RAD51D: variants seen among roughly 807,000 people sequenced by gnomAD.
RAD51D encodes RAD51 paralog D.
RAD51D carries 38 observed loss-of-function variants against 44.1 expected under a neutral mutation model. The observed-to-expected ratio is 0.86, with a 90% CI of 0.67 to 1.13. RAD51D has a LOEUF of 1.13. Ranked by LOEUF, RAD51D falls within the 50% of genes most tolerant of loss-of-function variation. The pLI is 0.00. For missense variants in RAD51D, 390 were observed against 414.0 expected (o/e 0.94, Z 0.50); for synonymous variants, 141 against 166.6 (o/e 0.85, Z 1.18).
At position 35,106,977 on chromosome 17, in the gene RAD51D, C is replaced by A. The variant is rs2142431919; in HGVS notation, c.480+11G>T. 6.2e-7 allele frequency: 1 copy of A among 1,614,190 alleles called. No homozygotes were observed. Among genetic ancestry groups the A allele is most frequent in the Non-Finnish European group, 8.5e-7 (1 of 1,180,040 alleles). ...TCAGAATCTCAATGGAACCCAGCAT[C>A]CTGCCCTTACCTGTTCCTCCTCATC... is the stretch of plus-strand genomic sequence containing the variant. On this transcript the variant is annotated intron_variant, in intron 5 of 9. Transcript: ENST00000345365.
In RAD51D at chr17:35,100,518, CAG is replaced by C. The variant is rs757426326; in HGVS notation, c.*433_*434del. ...GGCCCCCATCTAACAAATGGAAAGG[CAG>C]AGACAAAAGAAAAAAAAGGCAGCAG... On this transcript the variant is annotated 3_prime_UTR_variant, in exon 10 of 10. Coordinates refer to ENST00000345365, the MANE Select transcript of RAD51D (RefSeq NM_002878.4). The C allele has an allele frequency of 3.9e-4, 212 of 537,530 alleles. No individual in the cohort carries two copies. The highest frequency in any genetic ancestry group is 7.5e-5 in the Non-Finnish European group (21 of 278,920). 33.3% of individuals were successfully genotyped at this position (537,530 alleles called of 1,614,324 possible).
At chr17:35,110,772 G>C (rs1002484160) in intron 3 of RAD51D, among the ~76,000 whole-genome samples, 1 of 152,034 alleles carries the variant, frequency 6.6e-6, no homozygotes, top group African/African-American at 2.4e-5. Flanking sequence ...AGGAGTTTGA[G>C]GCCAGCCTGG....
At chr17:35,110,992 C>A (rs2091667991) in intron 3 of RAD51D, among the ~76,000 whole-genome samples, 1 of 151,978 alleles carries the variant, frequency 6.6e-6, no homozygotes, top group Non-Finnish European at 1.5e-5. Context: ...GTAATCCCAG[C>A]TACCCGTGAG....
In RAD51D at chr17:35,100,305, G is replaced by T. The variant is rs1366770791; in HGVS notation, c.*648C>A. 1.9e-6 allele frequency: 1 copy of T among 534,166 alleles called. No homozygotes were observed. Among genetic ancestry groups the T allele is most frequent in the East Asian group, 3.9e-5 (1 of 25,716 alleles). The allele number at this position is 534,166 out of a possible 1,614,324, so 33.1% of individuals were successfully genotyped here. On this transcript the variant is annotated 3_prime_UTR_variant, in exon 10 of 10. Transcript: ENST00000345365. ...AACCAAATCAGCAAGAGGAAAGGAG[G>T]AATAAACTGTTCTTTGGGCCTCACT...
intron 3 of RAD51D, chr17:35,116,922 C>G (rs1430353812): frequency 6.2e-7 from 1 of 1,610,718 alleles, no homozygotes; most frequent in Non-Finnish European, 8.5e-7. Context: ...ATCTGTTCCT[C>G]CATGCCCAAG....
intron 6 of RAD51D, chr17:35,104,940 A>C (rs1443543560): frequency 6.7e-6 from 1 of 150,086 alleles, no homozygotes; most frequent in Non-Finnish European, 1.5e-5. Context: ...AAGCATTGGG[A>C]TTTTAGGCGT....
At position 35,119,594 on chromosome 17, in the gene RAD51D, C is replaced by T. The variant is rs1555570504; in HGVS notation, c.20G>A (p.Gly7Glu). Residue 7 changes from glycine to glutamate, a missense_variant, in exon 1 of 10, where the codon GGA becomes GAA. Gly to Glu is a moderately conservative substitution (Grantham distance 98, BLOSUM62 -2). Coordinates refer to ENST00000345365, the MANE Select transcript of RAD51D (RefSeq NM_002878.4). MGVLRV[G>E]LCPGLTEEMI... is the part of the protein sequence containing the mutation. Reference sequence around the variant, plus strand: ...CTCCTCGGTAAGGCCAGGGCACAGTCCGACCCTGAGCACGCCCATGTTCCC... The same window carrying T: ...CTCCTCGGTAAGGCCAGGGCACAGTTCGACCCTGAGCACGCCCATGTTCCC... The T allele has an allele frequency of 1.9e-6, 3 of 1,612,114 alleles. No individual in the cohort carries two copies. Among genetic ancestry groups the T allele is most frequent in the Non-Finnish European group, 2.5e-6 (3 of 1,179,958 alleles).
chr17:35,113,243 G>A (rs181940900), intron 3 of RAD51D, among the ~76,000 whole-genome samples: 21 of 152,110 alleles, frequency 1.4e-4, no homozygotes, highest in South Asian at 4.2e-4. Flanking sequence ...TGTATATGCC[G>A]AACAGCACTT....
At chr17:35,110,835 G>A (rs895114210) in intron 3 of RAD51D, among the ~76,000 whole-genome samples, 2 of 152,188 alleles carry the variant, frequency 1.3e-5, no homozygotes, top group African/African-American at 2.4e-5. Context: ...GGCTGGGCGC[G>A]GTGGCTCACG....
At chr17:35,111,547 C>T (rs2091676781) in intron 3 of RAD51D, among the ~76,000 whole-genome samples, 1 of 151,278 alleles carries the variant, frequency 6.6e-6, no homozygotes, top group Admixed American at 6.6e-5. Context: ...TCCTGGGTGA[C>T]AGAGCAAGAC....
At chr17:35,106,548 G>T in intron 5 of RAD51D, 67 bp from the exon 6 acceptor site, 1 of 1,172,910 alleles carries the variant, frequency 8.5e-7, no homozygotes, top group Non-Finnish European at 1.2e-6. Context: ...AGGTAAGGCT[G>T]AGAAGGAAGA....
intron 3 of RAD51D, chr17:35,117,021 G>C (rs1453966654): frequency 4.3e-6 from 7 of 1,613,196 alleles, no homozygotes; most frequent in Non-Finnish European, 5.1e-6. Flanking sequence ...GTTCCCACTT[G>C]AGTGCGCCCT....
At chr17:35,114,508 C>A (rs1281216198) in intron 3 of RAD51D, among the ~76,000 whole-genome samples, 1 of 151,054 alleles carries the variant, frequency 6.6e-6, no homozygotes, top group African/African-American at 2.4e-5. Context: ...CAGCAAGACC[C>A]CTGTCTCTAC....
chr17:35,101,407 G>C (rs777156874), intron 8 of RAD51D, 42 bp from the exon 9 acceptor site: 4 of 1,593,506 alleles, frequency 2.5e-6, no homozygotes, highest in Admixed American at 1.7e-5. Flanking sequence ...TGCTAGTATA[G>C]AGGACATCGA....
rs371812219 is a variant in RAD51D at position 35,107,032 on chromosome 17, G to A, written c.436C>T (p.Leu146Phe). The change falls in exon 5 of 10, where the codon CTC becomes TTC. Residue 146 changes from leucine to phenylalanine, a missense_variant. Physicochemically the swap from Leu to Phe is conservative, Grantham distance 22 (BLOSUM62 0). Transcript: ENST00000345365. ...GTTTTAGCCTGAAGCAGCTGGAGGA[G>A]GCGGGAAGCTGTCAGCCCTCCATTG... ...DSNGGLTASR[L>F]LQLLQAKTQD... 3.7e-6 allele frequency: 6 copies of A among 1,614,032 alleles called. No individual in the cohort carries two copies. In the African/African-American group the frequency reaches 5.3e-5, roughly 14 times the overall value.
intron 2 of RAD51D, 80 bp downstream of exon 2, chr17:35,119,031 T>G: frequency 1.7e-5 from 24 of 1,378,750 alleles, no homozygotes; most frequent in Non-Finnish European, 2.4e-5. Flanking sequence ...ATTACAGGCA[T>G]GAGCCACCGC....
chr17:35,109,698 A>T (rs2091652195), intron 3 of RAD51D, among the ~76,000 whole-genome samples: 1 of 149,312 alleles, frequency 6.7e-6, no homozygotes. Flanking sequence ...ACGGAGTTTC[A>T]CTCTTGTTGC....
Position 35,108,483 on chromosome 17 carries a change from G to A in RAD51D, c.264-1036C>T, listed in dbSNP as rs866344977. Among the ~76,000 whole-genome samples the A allele has an allele frequency of 1.2e-4, 12 of 97,090 alleles. No individual in the cohort carries two copies. The Middle Eastern group carries it at 0.034, about 274-fold the overall frequency. 63.7% of individuals were successfully genotyped at this position (97,090 alleles called of 152,430 possible). A position where few individuals can be genotyped will look rare whatever the true frequency, so the allele number is the denominator to read the frequency against. Reference sequence around the variant, plus strand: ...AAGTCTAGCCCAGGCAACATAGCAAGACCCTTTTCTCTTTAAAAAAAAAAA... The same window carrying A: ...AAGTCTAGCCCAGGCAACATAGCAAAACCCTTTTCTCTTTAAAAAAAAAAA... On this transcript the variant is annotated intron_variant, in intron 3 of 9. Transcript: ENST00000345365.
At chr17:35,107,290 GCTC>G (rs1453714349) in intron 4 of RAD51D, 73 bp downstream of exon 4, 3 of 1,463,452 alleles carry the variant, frequency 2.0e-6, no homozygotes, top group Non-Finnish European at 2.9e-6. Context: ...GTACGCTGAA[GCTC>G]CCCCAGGGAC....
Sources: gnomAD v4.1 joint callset for allele counts (sites outside exome capture counted in the v4.1 genomes callset) on GRCh38, gnomAD v4.1.1 for gene constraint, MANE v1.5 for transcripts, NCBI Gene and HGNC (gene_info 2026-07-23, HGNC 2026-07-21) for gene names.